The following PUDP variants were observed in gnomAD, a reference collection of about 807,000 sequenced individuals.
PUDP encodes pseudouridine 5'-phosphatase.
In PUDP, 8 loss-of-function variants were observed where a neutral mutation model predicts 9.4. That is an observed-to-expected ratio of 0.85 (90% confidence interval 0.50 to 1.53). PUDP has a LOEUF of 1.53. Ranked by LOEUF, PUDP falls within the 40% of genes most tolerant of loss-of-function variation. The pLI, the probability that PUDP is intolerant of heterozygous loss-of-function variation, is 0.00. For synonymous variants in PUDP, 99 were observed against 80.7 expected (o/e 1.23, Z -1.22); for missense variants, 188 against 189.7 (o/e 0.99, Z 0.05).
chrX:6,766,664 C>T (rs779268096), intron 3 of PUDP, among the ~76,000 whole-genome samples: 1 of 111,800 alleles, frequency 8.9e-6, no homozygotes, highest in African/African-American at 3.2e-5. Context: ...AACCAAGATA[C>T]TGTAATTGAT....
intron 1 of PUDP, among the ~76,000 whole-genome samples, chrX:7,108,721 TA>T (rs1306784966): frequency 3.6e-4 from 41 of 112,673 alleles, no homozygotes; most frequent in Admixed American, 1.8e-3. Flanking sequence ...TTTTTTCATT[TA>T]TTTTTTTGTT....
rs767670365 is a variant in PUDP at position 7,086,181 on chromosome X, T to C, written c.281-8732A>G. 2.8e-4 allele frequency among the ~76,000 whole-genome samples: 31 copies of C among 112,022 alleles called. 1 individual carries two copies. Among genetic ancestry groups the C allele is most frequent in the Non-Finnish European group, 2.6e-4 (14 of 53,265 alleles). ...AATTGATGTTGAGCCCAGTTTCACA[T>C]TGGTCTCTTTTCTCTATTGCAATAG... On this transcript the variant is annotated intron_variant, in intron 2 of 3. Coordinates refer to ENST00000381077, the MANE Select transcript of PUDP (RefSeq NM_012080.5).
At chrX:7,103,133 C>T (rs1931787272) in intron 2 of PUDP, among the ~76,000 whole-genome samples, 1 of 111,795 alleles carries the variant, frequency 8.9e-6, no homozygotes, top group African/African-American at 3.2e-5. Context: ...TGAAAAAGAA[C>T]AAAATCGGAG....
At chrX:7,040,406 T>C (rs951261858) in intron 1 of PUDP, among the ~76,000 whole-genome samples, 4 of 111,829 alleles carry the variant, frequency 3.6e-5, no homozygotes, top group South Asian at 7.5e-4. Flanking sequence ...TGCAGGGCTC[T>C]TCACACATGG....
intron 3 of PUDP, among the ~76,000 whole-genome samples, chrX:6,807,167 T>A (rs1480686815): frequency 8.9e-6 from 1 of 112,652 alleles, no homozygotes; most frequent in Non-Finnish European, 1.9e-5. Flanking sequence ...ATTTTTTGAC[T>A]GTTTGTTTGC....
At position 7,007,408 on chromosome X, in the gene PUDP, C is replaced by A. The variant is rs766112558; in HGVS notation, c.205-29065G>T. 4.5e-5 allele frequency among the ~76,000 whole-genome samples: 5 copies of A among 112,262 alleles called. No homozygotes were observed. In the South Asian group the frequency reaches 1.9e-3, roughly 42 times the overall value. On this transcript the variant is annotated intron_variant and NMD_transcript_variant, in intron 1 of 3. Transcript: ENST00000655425. ...TTCAAAAACCCTGTAAATATCAGTT[C>A]TATGTGGAACTTGAGCTGGTTTCCC... is the stretch of plus-strand genomic sequence containing the variant.
intron 3 of PUDP, among the ~76,000 whole-genome samples, chrX:6,890,258 G>C (rs1390631072): frequency 8.9e-6 from 1 of 111,821 alleles, no homozygotes; most frequent in African/African-American, 3.3e-5. Flanking sequence ...CTATTCACTG[G>C]TGGAACTATT....
At chrX:6,777,940 G>A (rs142049060) in intron 3 of PUDP, among the ~76,000 whole-genome samples, 1 of 112,146 alleles carries the variant, frequency 8.9e-6, no homozygotes, top group East Asian at 2.8e-4. Flanking sequence ...ACTTTGAGAG[G>A]TGCAAATGAG....
chrX:6,785,059 G>A (rs932820865), intron 3 of PUDP, among the ~76,000 whole-genome samples: 2 of 112,309 alleles, frequency 1.8e-5, no homozygotes, highest in African/African-American at 3.2e-5. Flanking sequence ...TTTCCACGAC[G>A]TTATCTTTTA....
rs557533014 is a variant in PUDP at position 6,889,839 on chromosome X, C to T, written c.*247+87294G>A. Among the ~76,000 whole-genome samples the T allele has an allele frequency of 1.8e-3, 195 of 111,009 alleles. 1 individual carries two copies. Among genetic ancestry groups the T allele is most frequent in the African/African-American group, 6.2e-3 (188 of 30,512 alleles). On this transcript the variant is annotated intron_variant and NMD_transcript_variant, in intron 3 of 3. Coordinates refer to the PUDP transcript ENST00000655425. ...AATGGGTGGGTGCAAAGATCTACTA[C>T]AGGCAACAGAGAATAAGGGCAGGAG...
chrX:6,900,551 G>A (rs1027679691), intron 3 of PUDP, among the ~76,000 whole-genome samples: 92 of 108,964 alleles, frequency 8.4e-4, no homozygotes, highest in African/African-American at 2.9e-3. Flanking sequence ...CGGAGAGGGA[G>A]AGAGGGAGAG....
intron 1 of PUDP, among the ~76,000 whole-genome samples, chrX:7,130,486 T>C (rs1196623974): frequency 9.0e-6 from 1 of 110,977 alleles, no homozygotes; most frequent in Non-Finnish European, 1.9e-5. Flanking sequence ...GCATGTATTC[T>C]CTCTGAGGAA....
intron 3 of PUDP, among the ~76,000 whole-genome samples, chrX:6,758,514 T>A (rs1302220363): frequency 9.0e-6 from 1 of 111,654 alleles, no homozygotes; most frequent in Non-Finnish European, 1.9e-5. Flanking sequence ...CATCCTTGGC[T>A]CAGTTAGCCG....
chrX:6,941,767 A>G (rs1340831977), intron 3 of PUDP, among the ~76,000 whole-genome samples: 1 of 112,266 alleles, frequency 8.9e-6, no homozygotes, highest in African/African-American at 3.2e-5. Flanking sequence ...GATGTTTGAT[A>G]TATGTATACA....
intron 3 of PUDP, among the ~76,000 whole-genome samples, chrX:6,840,508 A>C (rs1024804929): frequency 8.9e-6 from 1 of 112,443 alleles, no homozygotes; most frequent in Non-Finnish European, 1.9e-5. Flanking sequence ...AAGGCTACAT[A>C]CTATATGATT....
At chrX:6,834,866 C>T (rs973049769) in intron 3 of PUDP, among the ~76,000 whole-genome samples, 1 of 110,741 alleles carries the variant, frequency 9.0e-6, no homozygotes, top group African/African-American at 3.3e-5. Flanking sequence ...CATTAATCCA[C>T]TCATGAGGGT....
intron 3 of PUDP, among the ~76,000 whole-genome samples, chrX:6,824,157 T>C (rs1293367229): frequency 1.8e-5 from 2 of 111,902 alleles, no homozygotes; most frequent in Admixed American, 9.5e-5. Context: ...CCTATGCTGC[T>C]GTTCTTGTGA....
intron 1 of PUDP, among the ~76,000 whole-genome samples, chrX:7,020,162 G>A (rs1276220990): frequency 9.1e-6 from 1 of 110,300 alleles, no homozygotes; most frequent in Non-Finnish European, 1.9e-5. Flanking sequence ...GTGAAACAAT[G>A]GAATTATTTT....
chrX:6,813,801 C>T (rs1174593722), intron 3 of PUDP, among the ~76,000 whole-genome samples: 4 of 111,424 alleles, frequency 3.6e-5, no homozygotes, highest in Non-Finnish European at 7.5e-5. Context: ...CACAACTTGT[C>T]AGGAGATTCA....
Sources: allele counts gnomAD v4.1 joint callset (sites outside exome capture counted in the v4.1 genomes callset), GRCh38; gene constraint gnomAD v4.1.1; transcripts MANE v1.5; gene names NCBI Gene and HGNC (gene_info 2026-07-23, HGNC 2026-07-21).